Variants in ZNF235 observed in about 807,000 individuals in gnomAD.
ZNF235 encodes zfp-93.
ZNF235 carries 25 observed loss-of-function variants against 29.4 expected under a neutral mutation model. The ratio of observed to expected loss-of-function variants is 0.85; its 90% CI spans 0.62 to 1.19. The LOEUF (loss-of-function observed/expected upper bound fraction) is 1.19. ZNF235 is among the 50% of genes most tolerant of loss of function. The pLI is 0.00. For missense variants in ZNF235, 788 were observed against 885.0 expected, an observed-to-expected ratio of 0.89 and a Z score of 1.39; for synonymous variants, 300 against 295.3, an observed-to-expected ratio of 1.02 and a Z score of -0.16.
Position 44,287,703 on chromosome 19 carries a change from T to C in ZNF235, c.1732A>G (p.Lys578Glu). The C allele has an allele frequency of 6.2e-7, 1 of 1,614,188 alleles. No homozygotes were observed. The highest frequency in any genetic ancestry group is 1.3e-5 in the African/African-American group (1 of 75,062). The change falls in exon 5 of 5, where the codon AAG becomes GAG. Residue 578 changes from lysine to glutamate, a missense_variant. By Grantham distance (56) the Lys-to-Glu change is moderately conservative (BLOSUM62 1). Coordinates refer to ENST00000291182, the MANE Select transcript of ZNF235 (RefSeq NM_004234.4). ...AGATTTGAAGCCTGACTGAAACCCT[T>C]ACCACACTCTTCACATTTGTAGGGT... ...EKPYKCEECG[K>E]GFSQASNLQA...
At chr19:44,302,949 TATATATAA>T (rs1568647495) in intron 2 of ZNF235, among the ~76,000 whole-genome samples, 1,111 of 90,040 alleles carry the variant, frequency 0.012, 12 homozygotes, top group African/African-American at 0.07. Flanking sequence ...TACATATTTG[TATATATAA>T]ATATATACGT....
At chr19:44,299,795 T>C in intron 2 of ZNF235, 63 bp from the exon 3 acceptor site, 7 of 1,610,540 alleles carry the variant, frequency 4.3e-6, no homozygotes, top group Non-Finnish European at 5.9e-6. Flanking sequence ...CCTAAGCAAC[T>C]CTTTCTGTAG....
intron 2 of ZNF235, 90 bp from the exon 3 acceptor site, chr19:44,299,822 C>T (rs898305735): frequency 6.3e-7 from 1 of 1,597,398 alleles, no homozygotes; most frequent in Admixed American, 1.8e-5. Flanking sequence ...TATTCTTCCC[C>T]TTCCACAATC....
chr19:44,298,768 T>C lies in ZNF235; in HGVS notation c.238+40A>G, dbSNP rs144717640. The C allele has an allele frequency of 1.4e-3, 2,017 of 1,402,916 alleles. 12 individuals are homozygous for C. Among genetic ancestry groups the C allele is most frequent in the Admixed American group, 4.8e-3 (251 of 52,010 alleles). 86.9% of individuals were successfully genotyped at this position (1,402,916 alleles called of 1,614,324 possible). On this transcript the variant is annotated intron_variant, in intron 4 of 4. Coordinates refer to ENST00000291182, the MANE Select transcript of ZNF235 (RefSeq NM_004234.4). Reference sequence around the variant, plus strand: ...GAAATTATCCTGAATAAAGGAAAAATAACAGCTGTTAACTACGATTCCGGC... The same window carrying C: ...GAAATTATCCTGAATAAAGGAAAAACAACAGCTGTTAACTACGATTCCGGC...
intron 2 of ZNF235, among the ~76,000 whole-genome samples, chr19:44,300,931 A>C (rs560081440): frequency 1.3e-5 from 2 of 151,784 alleles, no homozygotes; most frequent in Non-Finnish European, 2.9e-5. Flanking sequence ...TATAATGTTA[A>C]TTTTCTCAAT....
intron 1 of ZNF235, among the ~76,000 whole-genome samples, chr19:44,303,981 C>T (rs1975793532): frequency 6.6e-6 from 1 of 152,184 alleles, no homozygotes; most frequent in Admixed American, 6.5e-5. Flanking sequence ...TTTTAAGAAA[C>T]CCAGAACTCA....
chr19:44,298,053 A>G (rs915811945), intron 4 of ZNF235, among the ~76,000 whole-genome samples: 4 of 152,068 alleles, frequency 2.6e-5, no homozygotes, highest in South Asian at 2.1e-4. Flanking sequence ...CAGGAGGTGG[A>G]GACTGCAGTG....
rs749775485 is a variant in ZNF235 at position 44,287,899 on chromosome 19, C to A, written c.1536G>T (p.Glu512Asp). ...FQSHQRVHTG[E>D]KPFRCNVCGK... ...CACACACGTTGCATCGAAATGGTTT[C>A]TCTCCTGTATGGACCCTCTGATGGC... is the stretch of plus-strand genomic sequence containing the variant. Residue 512 changes from glutamate to aspartate, a missense_variant, in exon 5 of 5, where the codon GAG becomes GAT. Coordinates refer to ENST00000291182, the MANE Select transcript of ZNF235 (RefSeq NM_004234.4). The A allele has an allele frequency of 4.3e-6, 7 of 1,613,794 alleles. No homozygotes were observed. In the East Asian group the frequency reaches 1.6e-4, roughly 36 times the overall value.
At chr19:44,295,947 T>C (rs2123099582) in intron 4 of ZNF235, among the ~76,000 whole-genome samples, 1 of 152,338 alleles carries the variant, frequency 6.6e-6, no homozygotes, top group Middle Eastern at 3.4e-3. Flanking sequence ...CTGGCTGGTA[T>C]AAGATGATAT....
At chr19:44,294,598 G>C (rs1301343962) in intron 4 of ZNF235, among the ~76,000 whole-genome samples, 1 of 152,070 alleles carries the variant, frequency 6.6e-6, no homozygotes, top group Admixed American at 6.6e-5. Context: ...ACCAAAGTCA[G>C]ATAAAGACAC....
intron 3 of ZNF235, 75 bp from the exon 4 acceptor site, chr19:44,298,978 T>A (rs1249960509): frequency 6.6e-6 from 7 of 1,056,816 alleles, no homozygotes; most frequent in Non-Finnish European, 8.5e-6. Flanking sequence ...AATCACATGA[T>A]GTAAGTCTCC....
Position 44,303,415 on chromosome 19 carries a change from C to T in ZNF235, c.-11G>A, listed in dbSNP as rs1201848717. On this transcript the variant is annotated 5_prime_UTR_variant, in exon 2 of 5. Coordinates refer to ENST00000291182, the MANE Select transcript of ZNF235 (RefSeq NM_004234.4). ...CTGGAACTTGGTCATTTTTCCCCTC[C>T]TCCTTCTGGGAAAAGGCAGAGTTCC... 3 of 1,610,484 alleles carry T rather than the reference C, an allele frequency of 1.9e-6. No individual in the cohort carries two copies. The highest frequency in any genetic ancestry group is 2.5e-6 in the Non-Finnish European group (3 of 1,177,838).
chr19:44,299,785 C>T (rs1975708798), intron 2 of ZNF235, 53 bp from the exon 3 acceptor site: 1 of 1,611,756 alleles, frequency 6.2e-7, no homozygotes, highest in Non-Finnish European at 8.5e-7. Flanking sequence ...GCCACTGGCA[C>T]CTAAGCAACT....
chr19:44,295,007 C>A (rs1175284149), intron 4 of ZNF235, among the ~76,000 whole-genome samples: 1 of 152,080 alleles, frequency 6.6e-6, no homozygotes, highest in Non-Finnish European at 1.5e-5. Context: ...TGAAAGCATT[C>A]CCCCTAAGAA....
At position 44,289,293 on chromosome 19, in the gene ZNF235, G is replaced by A. The variant is rs961933550; in HGVS notation, c.239-97C>T. 2.6e-5 allele frequency: 30 copies of A among 1,165,412 alleles called. No homozygotes were observed. The Admixed American group carries it at 4.6e-4, about 18-fold the overall frequency. 72.2% of individuals were successfully genotyped at this position (1,165,412 alleles called of 1,614,324 possible). On this transcript the variant is annotated intron_variant, in intron 4 of 4. Transcript: ENST00000291182. ...AAGCTCTCATTTTCCCCATGGAAAC[G>A]TCAAAAAAACAACTAGACTGGCTGA... is the stretch of plus-strand genomic sequence containing the variant.
At chr19:44,300,630 A>G (rs1013363550) in intron 2 of ZNF235, among the ~76,000 whole-genome samples, 4 of 152,168 alleles carry the variant, frequency 2.6e-5, no homozygotes, top group Non-Finnish European at 5.9e-5. Context: ...ACTTGAGGTC[A>G]GGAGTTCAAG....
Position 44,305,000 on chromosome 19 carries a change from C to A in ZNF235, c.-78G>T. 1 of 963,006 alleles carries A rather than the reference C, an allele frequency of 1.0e-6. No individual in the cohort carries two copies. Among genetic ancestry groups the A allele is most frequent in the African/African-American group, 1.8e-5 (1 of 56,882 alleles). The allele number at this position is 963,006 out of a possible 1,614,324, so 59.7% of individuals were successfully genotyped here. The stretch of plus-strand genomic sequence containing the variant: ...CTGGGAGATATCTCAGATCCGACCT[C>A]GCCTTCCTGGAGCGGAAGTGCCTCC... On this transcript the variant is annotated 5_prime_UTR_variant, in exon 1 of 5. Coordinates refer to ENST00000291182, the MANE Select transcript of ZNF235 (RefSeq NM_004234.4).
intron 4 of ZNF235, among the ~76,000 whole-genome samples, chr19:44,296,176 G>C (rs946963733): frequency 3.9e-5 from 6 of 152,162 alleles, no homozygotes; most frequent in Non-Finnish European, 8.8e-5. Context: ...GTTGTAGATA[G>C]ACACTGATAA....
At chr19:44,296,015 G>A (rs1430460555) in intron 4 of ZNF235, among the ~76,000 whole-genome samples, 2 of 152,106 alleles carry the variant, frequency 1.3e-5, no homozygotes, top group Non-Finnish European at 2.9e-5. Flanking sequence ...ACCACAGGAG[G>A]CAACCTGAAA....
Sources: allele counts gnomAD v4.1 joint callset (sites outside exome capture counted in the v4.1 genomes callset), GRCh38; gene constraint gnomAD v4.1.1; transcripts MANE v1.5; gene names NCBI Gene and HGNC (gene_info 2026-07-23, HGNC 2026-07-21).